SPEN: variants seen among roughly 807,000 people sequenced by gnomAD.
SPEN encodes msx2-interacting protein.
In SPEN, 18 loss-of-function variants were observed where a neutral mutation model predicts 269.9. That is an observed-to-expected ratio of 0.07 (90% CI 0.05 to 0.10). The LOEUF is 0.10. Among genes scored for constraint, SPEN ranks in the 10% least tolerant of loss-of-function variants. The pLI is 1.00. For synonymous variants in SPEN, 1,726 were observed against 1,765.7 expected (o/e 0.98, Z 0.56); for missense variants, 3,822 against 4,631.2 (o/e 0.83, Z 5.07).
Position 15,930,459 on chromosome 1 carries a change from T to C in SPEN, c.4219T>C (p.Leu1407=). ...ATATGAAAGTTCTCGATTGTCTTTT[T>C]TATTGAGGGACAGAGAAGACAAGCT... The part of the protein sequence containing the change: ...ALYESSRLSF[L]LRDREDKLRE... The change falls in exon 11 of 15, where the codon TTA becomes CTA. Residue 1407 remains leucine (L), a synonymous_variant. Coordinates refer to ENST00000375759, the MANE Select transcript of SPEN (RefSeq NM_015001.3). The surrounding 1 kb of genome is among the most constrained non-coding windows in gnomAD (Gnocchi z 5.3). The C allele has an allele frequency of 6.2e-7, 1 of 1,614,190 alleles. No homozygotes were observed. Among genetic ancestry groups the C allele is most frequent in the Admixed American group, 1.7e-5 (1 of 60,030 alleles).
intron 13 of SPEN, 58 bp from the exon 14 acceptor site, chr1:15,938,660 T>C: frequency 6.4e-7 from 1 of 1,555,060 alleles, no homozygotes; most frequent in South Asian, 1.2e-5. Context: ...GTGGGTTGGA[T>C]GTGGGCTGCT....
intron 3 of SPEN, among the ~76,000 whole-genome samples, chr1:15,886,754 T>G (rs796799348): frequency 7.2e-5 from 11 of 152,340 alleles, no homozygotes; most frequent in African/African-American, 2.6e-4. Flanking sequence ...TGGTCAGCAT[T>G]TGGTGACAAG....
In SPEN at chr1:15,931,469, C is replaced by T; in HGVS notation, c.5229C>T (p.Ser1743=). The T allele has an allele frequency of 6.2e-7, 1 of 1,614,162 alleles. No homozygotes were observed. The highest frequency in any genetic ancestry group is 8.5e-7 in the Non-Finnish European group (1 of 1,180,026). Reference sequence around the variant, plus strand: ...CTCCAACTCCCGGGGCCTCGTTTTCCCAGGCAGAGAGCAACGTAGATCCAG... The same window carrying T: ...CTCCAACTCCCGGGGCCTCGTTTTCTCAGGCAGAGAGCAACGTAGATCCAG... The part of the protein sequence containing the change: ...AKPPTPGASF[S]QAESNVDPEP... Residue 1743 remains serine (S), a synonymous_variant, in exon 11 of 15, where the codon TCC becomes TCT. Coordinates refer to ENST00000375759, the MANE Select transcript of SPEN (RefSeq NM_015001.3). The surrounding 1 kb of genome is among the most constrained non-coding windows in gnomAD (Gnocchi z 4.8).
intron 11 of SPEN, 140 bp downstream of exon 11, chr1:15,936,406 C>A (rs2071275646): frequency 1.5e-6 from 2 of 1,296,666 alleles, no homozygotes; most frequent in Admixed American, 3.4e-5. Flanking sequence ...TGTGGGAGGC[C>A]CAGATGGGAG....
intron 3 of SPEN, among the ~76,000 whole-genome samples, chr1:15,909,038 G>A (rs999074770): frequency 6.6e-6 from 1 of 151,934 alleles, no homozygotes; most frequent in Non-Finnish European, 1.5e-5. Context: ...GAATTCACTA[G>A]TCTTACTTCA....
At position 15,920,734 on chromosome 1, in the gene SPEN, T is replaced by C. The variant is rs2071110092; in HGVS notation, c.1636-136T>C. On this transcript the variant is annotated intron_variant, in intron 8 of 14. Transcript: ENST00000375759. ...TGTTCACTACAGTGTGCATCACACT[T>C]TTTTTTTTAATAGAATAAAATATAT... 1.1e-5 allele frequency: 4 copies of C among 368,304 alleles called. No individual in the cohort carries two copies. In the South Asian group the frequency reaches 3.2e-4, roughly 29 times the overall value. 22.8% of individuals were successfully genotyped at this position (368,304 alleles called of 1,614,324 possible).
intron 7 of SPEN, 111 bp downstream of exon 7, chr1:15,919,162 A>G (rs2071093329): frequency 2.1e-6 from 2 of 938,600 alleles, no homozygotes; most frequent in South Asian, 3.4e-5. Flanking sequence ...ACTAAGACAG[A>G]TAACCATAAA....
At position 15,930,410 on chromosome 1, in the gene SPEN, C is replaced by G. The variant is rs750448916; in HGVS notation, c.4170C>G (p.Ser1390=). 1.2e-6 allele frequency: 2 copies of G among 1,613,936 alleles called. No homozygotes were observed. Among genetic ancestry groups the G allele is most frequent in the Admixed American group, 3.3e-5 (2 of 59,988 alleles). ...SDSDEDGEHK[S]HSPRASALYE... is the part of the protein sequence containing the mutation. ...CTGACGAAGATGGTGAACACAAATC[C>G]CACTCACCCAGAGCCTCTGCATTAT... The change falls in exon 11 of 15, where the codon TCC becomes TCG. Residue 1390 remains serine (S), a synonymous_variant. Coordinates refer to ENST00000375759, the MANE Select transcript of SPEN (RefSeq NM_015001.3). The surrounding 1 kb of genome is among the most constrained non-coding windows in gnomAD (Gnocchi z 5.3).
At chr1:15,853,395 C>T (rs2070355214) in intron 1 of SPEN, among the ~76,000 whole-genome samples, 1 of 151,494 alleles carries the variant, frequency 6.6e-6, no homozygotes, top group South Asian at 2.1e-4. Context: ...CTGTGTTGGC[C>T]AGGCTGGTCT....
intron 4 of SPEN, 126 bp from the exon 5 acceptor site, chr1:15,910,975 A>C: frequency 1.4e-6 from 1 of 735,288 alleles, no homozygotes; most frequent in Non-Finnish European, 2.2e-6. Context: ...TTGTTATGAC[A>C]TTAGTATATT....
At chr1:15,902,815 T>TA (rs1404533858) in intron 3 of SPEN, among the ~76,000 whole-genome samples, 2 of 152,242 alleles carry the variant, frequency 1.3e-5, no homozygotes, top group African/African-American at 4.8e-5. Flanking sequence ...GTTAGGGAGA[T>TA]ACCTGGTTAT....
chr1:15,872,728 C>A, intron 1 of SPEN, 88 bp from the exon 2 acceptor site: 1 of 1,082,744 alleles, frequency 9.2e-7, no homozygotes, highest in Non-Finnish European at 1.3e-6. Flanking sequence ...CTCCTACATA[C>A]ATAACGCAAA....
At chr1:15,904,121 C>G (rs1328280897) in intron 3 of SPEN, among the ~76,000 whole-genome samples, 1 of 152,130 alleles carries the variant, frequency 6.6e-6, no homozygotes, top group African/African-American at 2.4e-5. Flanking sequence ...TACATTCATG[C>G]CCTCATTTTG....
chr1:15,859,945 T>C (rs1395679078), intron 1 of SPEN, among the ~76,000 whole-genome samples: 6 of 115,114 alleles, frequency 5.2e-5, no homozygotes, highest in African/African-American at 6.9e-5. Flanking sequence ...GGAGTCTTGC[T>C]CTGTCACCCA....
intron 3 of SPEN, among the ~76,000 whole-genome samples, chr1:15,892,902 C>T (rs1226506866): frequency 6.6e-6 from 1 of 152,056 alleles, no homozygotes; most frequent in Admixed American, 6.6e-5. Flanking sequence ...AGTTCAAGAC[C>T]AGGCTGGTCA....
Position 15,929,289 on chromosome 1 carries a change from A to G in SPEN, c.3049A>G (p.Lys1017Glu), listed in dbSNP as rs1438984165. 4.3e-6 allele frequency: 7 copies of G among 1,614,110 alleles called. No homozygotes were observed. The highest frequency in any genetic ancestry group is 1.7e-5 in the Admixed American group (1 of 60,004). Reference sequence around the variant, plus strand: ...GATGGAGGATGCTCGCGTGCTTTCAAAAAAGCAGCCTGACGTGTCCTCTAG... The same window carrying G: ...GATGGAGGATGCTCGCGTGCTTTCAGAAAAGCAGCCTGACGTGTCCTCTAG... ...PEMEDARVLS[K>E]KQPDVSSREV... The change falls in exon 11 of 15, where the codon AAA (lysine) becomes GAA (glutamate). Residue 1017 changes from lysine to glutamate, a missense_variant. Lys to Glu is a moderately conservative substitution (Grantham distance 56). Transcript: ENST00000375759. The surrounding 1 kb of genome is among the most constrained non-coding windows in gnomAD (Gnocchi z 5.8).
At chr1:15,863,844 A>G (rs2070471007) in intron 1 of SPEN, among the ~76,000 whole-genome samples, 1 of 152,194 alleles carries the variant, frequency 6.6e-6, no homozygotes, top group South Asian at 2.1e-4. Flanking sequence ...TTGTCTTAGA[A>G]CAAAACAAAC....
intron 10 of SPEN, among the ~76,000 whole-genome samples, chr1:15,924,868 C>T (rs117168804): frequency 1.1e-4 from 17 of 152,250 alleles, no homozygotes; most frequent in East Asian, 9.7e-4. Context: ...CTCATGAGGA[C>T]GCAGGAGGGT....
At position 15,929,180 on chromosome 1, in the gene SPEN, G is replaced by A. The variant is rs371474346; in HGVS notation, c.2940G>A (p.Lys980=). 2.5e-6 allele frequency: 4 copies of A among 1,614,094 alleles called. No homozygotes were observed. In the African/African-American group the frequency reaches 4.0e-5, roughly 16 times the overall value. ...ADGVSAVDLE[K]LEARKRRFAD... ...GGGTAAGTGCTGTGGATCTGGAGAA[G>A]CTGGAAGCCAGGAAAAGGCGCTTTG... Residue 980 remains lysine, a synonymous_variant, in exon 11 of 15, where the codon AAG becomes AAA. Coordinates refer to ENST00000375759, the MANE Select transcript of SPEN (RefSeq NM_015001.3). The surrounding 1 kb of genome is among the most constrained non-coding windows in gnomAD (Gnocchi z 5.8).
Sources: gnomAD v4.1 joint callset for allele counts (sites outside exome capture counted in the v4.1 genomes callset) on GRCh38, gnomAD v4.1.1 for gene constraint, Gnocchi (gnomAD v3.1) non-coding constraint, MANE v1.5 for transcripts, NCBI Gene and HGNC (gene_info 2026-07-23, HGNC 2026-07-21) for gene names.